The following RP1 variants were observed in gnomAD, a reference collection of about 807,000 sequenced individuals.
RP1 encodes the protein oxygen-regulated protein 1.
A neutral mutation model predicts 14.8 loss-of-function variants in RP1; 16 were observed. The ratio of observed to expected loss-of-function variants is 1.08; its 90% confidence interval spans 0.73 to 1.65. RP1 has a LOEUF of 1.65. RP1 is among the 40% of genes most tolerant of loss of function. RP1 has a pLI of 0.00. For missense variants in RP1, 2,631 were observed against 2,535.0 expected (o/e 1.04, Z -0.81); for synonymous variants, 876 against 883.6 (o/e 0.99, Z 0.15).
At chr8:54,824,960 CT>C (rs1175603183) in intron 24 of RP1, among the ~76,000 whole-genome samples, 97 of 147,698 alleles carry the variant, frequency 6.6e-4, no homozygotes, top group East Asian at 1.4e-3. Flanking sequence ...CTTTTTCTTT[CT>C]TTTTTTTTTT....
intron 24 of RP1, among the ~76,000 whole-genome samples, chr8:54,834,367 G>T (rs1005133621): frequency 6.6e-6 from 1 of 152,078 alleles, no homozygotes; most frequent in Non-Finnish European, 1.5e-5. Flanking sequence ...AGATCACTTA[G>T]ATTCTTGAAG....
At chr8:54,604,850 T>C (rs1394516978) in intron 1 of RP1, among the ~76,000 whole-genome samples, 1 of 152,218 alleles carries the variant, frequency 6.6e-6, no homozygotes, top group Non-Finnish European at 1.5e-5. Flanking sequence ...TATTCTCTGA[T>C]GGTAGTTTGT....
At chr8:54,783,490 T>C (rs952968388) in intron 23 of RP1, 86 of 862,750 alleles carry the variant, frequency 1.0e-4, no homozygotes, top group Non-Finnish European at 1.2e-5. Flanking sequence ...CTTATTTTCC[T>C]AATATTAATG....
At chr8:54,702,674 GA>G (rs1808054161) in intron 14 of RP1, among the ~76,000 whole-genome samples, 1 of 152,090 alleles carries the variant, frequency 6.6e-6, no homozygotes, top group Non-Finnish European at 1.5e-5. Flanking sequence ...CACAGTGATT[GA>G]CTCATTCTTT....
intron 7 of RP1, among the ~76,000 whole-genome samples, chr8:54,670,638 G>A (rs1294671376): frequency 9.8e-6 from 1 of 101,774 alleles, no homozygotes; most frequent in Non-Finnish European, 2.0e-5. Context: ...CTGATGTTAG[G>A]TGCACATATA....
At chr8:54,849,933 G>A (rs1054677125) in intron 25 of RP1, among the ~76,000 whole-genome samples, 1 of 152,174 alleles carries the variant, frequency 6.6e-6, no homozygotes, top group African/African-American at 2.4e-5. Context: ...AAAATACATA[G>A]TGTAGCTATC....
chr8:54,649,001 T>C (rs1806603463), exon 4 of RP1: 1 of 1,510,636 alleles, frequency 6.6e-7, no homozygotes. Context: ...ACTGGAAAGT[T>C]TTTATAATCA....
At chr8:54,664,083 C>T (rs1262179794) in intron 7 of RP1, among the ~76,000 whole-genome samples, 1 of 152,162 alleles carries the variant, frequency 6.6e-6, no homozygotes, top group East Asian at 1.9e-4. Context: ...AACCACCATT[C>T]TACTTTCTAT....
intron 24 of RP1, among the ~76,000 whole-genome samples, chr8:54,827,694 T>C (rs1811415715): frequency 6.6e-6 from 1 of 152,084 alleles, no homozygotes; most frequent in South Asian, 2.1e-4. Flanking sequence ...GGTCAGGAGT[T>C]CCAGACCAGC....
intron 25 of RP1, chr8:54,837,754 G>A (rs1811697546): frequency 2.8e-6 from 2 of 720,996 alleles, no homozygotes; most frequent in South Asian, 1.5e-4. Flanking sequence ...ACCTTTTTCT[G>A]TAAAGGACCA....
intron 1 of RP1, among the ~76,000 whole-genome samples, chr8:54,606,828 G>T (rs1283628311): frequency 2.0e-5 from 3 of 152,012 alleles, no homozygotes; most frequent in Admixed American, 1.3e-4. Flanking sequence ...TCTTCCAGTT[G>T]ATCGAATCGG....
At chr8:54,817,489 G>A (rs1811161096) in intron 24 of RP1, among the ~76,000 whole-genome samples, 1 of 152,184 alleles carries the variant, frequency 6.6e-6, no homozygotes, top group Non-Finnish European at 1.5e-5. Context: ...GGTGACAAAT[G>A]AGCCTGTCTA....
chr8:54,605,837 T>G (rs1398335151), intron 1 of RP1, among the ~76,000 whole-genome samples: 15 of 152,150 alleles, frequency 9.9e-5, no homozygotes, highest in Non-Finnish European at 1.6e-4. Context: ...TTAAAGTCTG[T>G]TTTATCCGAG....
intron 6 of RP1, among the ~76,000 whole-genome samples, chr8:54,656,851 G>T (rs1279336939): frequency 1.3e-5 from 2 of 150,886 alleles, no homozygotes; most frequent in East Asian, 3.9e-4. Flanking sequence ...GGCAAAAAAT[G>T]GATTTTTCTC....
intron 24 of RP1, among the ~76,000 whole-genome samples, chr8:54,794,078 A>G (rs1810527771): frequency 2.0e-5 from 3 of 152,002 alleles, no homozygotes; most frequent in Admixed American, 2.0e-4. Flanking sequence ...AATTAAACGG[A>G]AAGATATTCC....
chr8:54,842,547 T>C (rs969980368), intron 25 of RP1, among the ~76,000 whole-genome samples: 11 of 152,076 alleles, frequency 7.2e-5, no homozygotes, highest in Non-Finnish European at 1.6e-4. Context: ...CTACACTAAA[T>C]TCATTCCTTC....
intron 18 of RP1, chr8:54,734,891 G>A: frequency 4.9e-6 from 3 of 606,776 alleles, no homozygotes; most frequent in South Asian, 5.5e-5. Context: ...AATGCTTATT[G>A]TAACAATCAA....
intron 3 of RP1, among the ~76,000 whole-genome samples, chr8:54,639,364 A>G (rs925149083): frequency 1.3e-5 from 2 of 152,218 alleles, no homozygotes; most frequent in East Asian, 3.8e-4. Context: ...TATTATGGAT[A>G]TAAGTTATAT....
Position 54,627,592 on chromosome 8 carries a change from GA to G in RP1, c.3711del (p.Gly1238ValfsTer17), listed in dbSNP as rs776185702. On this transcript the variant is annotated frameshift_variant, in exon 4 of 4. Transcript: ENST00000220676. LOFTEE classifies it low-confidence loss of function (END_TRUNC). ...ERTQGISSLD[G>X]GCSASEACAP... ...ACACAAGGAATCTCCTCTTTGGATG[GA>G]GGTTGCTCTGCCAGTGAGGCATGTG... 5.6e-6 allele frequency: 9 copies of G among 1,614,196 alleles called. No homozygotes were observed. The highest frequency in any genetic ancestry group is 7.6e-6 in the Non-Finnish European group (9 of 1,179,988).
Sources: allele counts gnomAD v4.1 joint callset (sites outside exome capture counted in the v4.1 genomes callset), GRCh38; gene constraint gnomAD v4.1.1; transcripts MANE v1.5; gene names NCBI Gene and HGNC (gene_info 2026-07-23, HGNC 2026-07-21).